The following EFCAB8 variants were observed in gnomAD, a reference collection of about 807,000 sequenced individuals.
The protein encoded by EFCAB8 is EF-hand calcium-binding domain-containing protein 8.
EFCAB8 carries 100 observed loss-of-function variants against 116.3 expected under a neutral mutation model. The ratio of observed to expected loss-of-function variants is 0.86; its 90% confidence interval spans 0.73 to 1.02. EFCAB8 has a LOEUF of 1.02. EFCAB8 is among the 50% of genes least tolerant of loss of function. The probability of loss-of-function intolerance (pLI) is 0.00; values close to 1 mark genes in which losing one functional copy is unlikely to be tolerated. For synonymous variants in EFCAB8, 558 were observed against 567.9 expected (o/e 0.98, Z 0.25); for missense variants, 1,320 against 1,416.9 (o/e 0.93, Z 1.10).
chr20:32,913,059 T>C (rs1987017869), intron 17 of EFCAB8, among the ~76,000 whole-genome samples, 195 bp downstream of exon 17: 3 of 152,234 alleles, frequency 2.0e-5, no homozygotes, highest in African/African-American at 7.2e-5. Flanking sequence ...CTTGGCCTTT[T>C]GCTAGGTGCC....
chr20:32,914,643 A>G (rs892938199), intron 17 of EFCAB8, among the ~76,000 whole-genome samples: 1 of 152,172 alleles, frequency 6.6e-6, no homozygotes, highest in African/African-American at 2.4e-5. Context: ...GGCAGGAGAG[A>G]GAGTGCAAGG....
At chr20:32,875,730 A>G (rs1037071033) in intron 3 of EFCAB8, among the ~76,000 whole-genome samples, 196 bp from the exon 4 acceptor site, 1 of 151,552 alleles carries the variant, frequency 6.6e-6, no homozygotes, top group Non-Finnish European at 1.5e-5. Context: ...GCTGGTCTTG[A>G]ACTCCTGACC....
intron 22 of EFCAB8, among the ~76,000 whole-genome samples, chr20:32,943,018 AT>A (rs1348231679): frequency 6.6e-6 from 1 of 152,234 alleles, no homozygotes; most frequent in Non-Finnish European, 1.5e-5. Flanking sequence ...ATATGGTCGA[AT>A]AAGTCCTCCT....
At chr20:32,892,343 CCTCCT>C (rs1202815440) in intron 8 of EFCAB8, 46 bp downstream of exon 8, 24 of 1,528,066 alleles carry the variant, frequency 1.6e-5, no homozygotes, top group Non-Finnish European at 2.1e-5. Context: ...GAGGCCCAGG[CCTCCT>C]GCAGCAGCCG....
chr20:32,923,999 A>G (rs867468634), intron 20 of EFCAB8, among the ~76,000 whole-genome samples: 5 of 152,338 alleles, frequency 3.3e-5, no homozygotes, highest in African/African-American at 1.2e-4. Flanking sequence ...AGTGGTAGCT[A>G]GTAATTATTG....
chr20:32,859,474 G>A (rs757227737), intron 1 of EFCAB8, among the ~76,000 whole-genome samples: 1 of 150,698 alleles, frequency 6.6e-6, no homozygotes, highest in Non-Finnish European at 1.5e-5. Context: ...GGTGGTCTCT[G>A]TTGGCAGCAA....
At chr20:32,897,599 C>T (rs915178070) in intron 10 of EFCAB8, among the ~76,000 whole-genome samples, 2 of 152,096 alleles carry the variant, frequency 1.3e-5, no homozygotes, top group African/African-American at 2.4e-5. Flanking sequence ...CCACACCCAG[C>T]TAATTTTTTA....
intron 20 of EFCAB8, among the ~76,000 whole-genome samples, chr20:32,923,861 C>T (rs769494173): frequency 6.6e-6 from 1 of 152,062 alleles, no homozygotes; most frequent in Non-Finnish European, 1.5e-5. Flanking sequence ...TGGGTTTTGC[C>T]TCTATAGAAA....
intron 5 of EFCAB8, among the ~76,000 whole-genome samples, chr20:32,880,270 A>C (rs1985257313): frequency 7.9e-6 from 1 of 126,316 alleles, no homozygotes; most frequent in African/African-American, 2.7e-5. Flanking sequence ...ACCCAAGGGT[A>C]ACTTTTTTTT....
intron 5 of EFCAB8, among the ~76,000 whole-genome samples, chr20:32,883,297 C>T (rs1985435880): frequency 6.6e-6 from 1 of 152,162 alleles, no homozygotes; most frequent in Non-Finnish European, 1.5e-5. Context: ...AGTAAATGCC[C>T]CTCAAGAGGA....
In EFCAB8 at chr20:32,878,566, G is replaced by A. The variant is rs1382989876; in HGVS notation, c.328-138G>A. 61 of 500,446 alleles carry A rather than the reference G, an allele frequency of 1.2e-4. 1 individual carries two copies. The highest frequency in any genetic ancestry group is 1.1e-4 in the Non-Finnish European group (29 of 273,346). 31.0% of individuals were successfully genotyped at this position (500,446 alleles called of 1,614,324 possible). On this transcript the variant is annotated intron_variant, in intron 4 of 26. Coordinates refer to ENST00000400522, the MANE Select transcript of EFCAB8 (RefSeq NM_001143967.2). ...CGCTCTGTCGCCCAGGTCGGACTGC[G>A]GACTGCAGTGGCGCAATCTCGGCTC...
At position 32,911,680 on chromosome 20, in the gene EFCAB8, G is replaced by A. The variant is rs1374978380; in HGVS notation, c.1758G>A (p.Leu586=). 6.4e-7 allele frequency: 1 copy of A among 1,551,720 alleles called. No individual in the cohort carries two copies. ...ACTACAACATTGGCAAATGCCTGTT[G>A]ACCTTTCCCAGTCCGGAACAGCTGG... is the stretch of plus-strand genomic sequence containing the variant. ...MWNYNIGKCL[L]TFPSPEQLEI... Residue 586 remains leucine (L), a synonymous_variant, in exon 16 of 27, where the codon TTG becomes TTA. Transcript: ENST00000400522.
chr20:32,898,963 T>C (rs925885096), intron 11 of EFCAB8, among the ~76,000 whole-genome samples: 3 of 152,216 alleles, frequency 2.0e-5, no homozygotes, highest in Admixed American at 6.5e-5. Flanking sequence ...CCTGAAGGGT[T>C]GCATGAGGGA....
intron 9 of EFCAB8, among the ~76,000 whole-genome samples, chr20:32,894,115 G>C (rs1330565018): frequency 6.6e-6 from 1 of 152,220 alleles, no homozygotes; most frequent in Non-Finnish European, 1.5e-5. Context: ...CTGAACTGGA[G>C]CCTGTCTAGA....
intron 17 of EFCAB8, among the ~76,000 whole-genome samples, chr20:32,914,361 C>T (rs1268811888): frequency 6.6e-6 from 1 of 152,140 alleles, no homozygotes; most frequent in South Asian, 2.1e-4. Context: ...CTCTGAGTTG[C>T]CTTCAGGGTC....
chr20:32,862,816 A>G (rs1555850852), intron 1 of EFCAB8, among the ~76,000 whole-genome samples: 1 of 151,898 alleles, frequency 6.6e-6, no homozygotes. Flanking sequence ...TTTAGTAGAG[A>G]CAGGGTTTCA....
At chr20:32,873,206 G>A (rs1219827028) in intron 3 of EFCAB8, among the ~76,000 whole-genome samples, 1 of 152,054 alleles carries the variant, frequency 6.6e-6, no homozygotes, top group Non-Finnish European at 1.5e-5. Context: ...ATGGAACTGG[G>A]CAATGGCGGG....
chr20:32,897,165 C>G (rs1986199488), intron 10 of EFCAB8, among the ~76,000 whole-genome samples: 1 of 152,078 alleles, frequency 6.6e-6, no homozygotes, highest in Non-Finnish European at 1.5e-5. Flanking sequence ...CCAAGCAGCC[C>G]TCCTAGGACA....
At chr20:32,876,560 A>G (rs1984986720) in intron 4 of EFCAB8, among the ~76,000 whole-genome samples, 1 of 152,244 alleles carries the variant, frequency 6.6e-6, no homozygotes, top group African/African-American at 2.4e-5. Context: ...TGACAAATTG[A>G]TGTAGCAAAG....
Sources: allele counts gnomAD v4.1 joint callset (sites outside exome capture counted in the v4.1 genomes callset), GRCh38; gene constraint gnomAD v4.1.1; transcripts MANE v1.5; gene names NCBI Gene and HGNC (gene_info 2026-07-23, HGNC 2026-07-21).